The following WIPF1 variants were observed in gnomAD, a reference collection of about 807,000 sequenced individuals.
WIPF1 encodes the protein WAS/WASL interacting protein family member 1.
Under a neutral mutation model 35.4 loss-of-function variants are expected in WIPF1, and 13 were observed. The observed-to-expected ratio is 0.37, with a 90% confidence interval of 0.24 to 0.58. The LOEUF (loss-of-function observed/expected upper bound fraction) is 0.58. Ranked by LOEUF, WIPF1 falls within the 20% of genes least tolerant of loss-of-function variation. WIPF1 has a pLI of 0.74. For synonymous variants in WIPF1, 267 were observed against 266.3 expected (o/e 1.00, Z -0.02); for missense variants, 591 against 667.0 (o/e 0.89, Z 1.25).
At chr2:174,631,896 T>C (rs1687032376) in intron 1 of WIPF1, among the ~76,000 whole-genome samples, 1 of 152,192 alleles carries the variant, frequency 6.6e-6, no homozygotes, top group African/African-American at 2.4e-5. Flanking sequence ...TCTGTGGATG[T>C]CGACCCGCAG....
At chr2:174,593,956 G>T (rs1685714763) in intron 1 of WIPF1, among the ~76,000 whole-genome samples, 1 of 152,196 alleles carries the variant, frequency 6.6e-6, no homozygotes, top group South Asian at 2.1e-4. Context: ...GAAGCAAAAG[G>T]CAGAGAAGAG....
chr2:174,605,329 T>C (rs1436257219), intron 1 of WIPF1, among the ~76,000 whole-genome samples: 1 of 151,972 alleles, frequency 6.6e-6, no homozygotes, highest in African/African-American at 2.4e-5. Context: ...TCCCAGCTAC[T>C]CAGGAGGCTA....
At position 174,562,292 on chromosome 2, in the gene WIPF1, A is replaced by G; in HGVS notation, c.*255T>C. On this transcript the variant is annotated 3_prime_UTR_variant, in exon 8 of 8. Transcript: ENST00000679041. ...AGTCATCTCTGCCTATTACGACAAA[A>G]GCCTATCGACCCCAGCAGCCAGCAC... The G allele has an allele frequency of 6.6e-7, 1 of 1,515,742 alleles. No homozygotes were observed. Among genetic ancestry groups the G allele is most frequent in the Non-Finnish European group, 8.9e-7 (1 of 1,128,392 alleles). The allele number at this position is 1,515,742 out of a possible 1,614,324, so 93.9% of individuals were successfully genotyped here.
rs79441260 is a variant in WIPF1, at chr2:174,632,344, G to A, written c.-38-46733C>T. The stretch of plus-strand genomic sequence containing the variant: ...GTGAAAGTGGAAAGATGGGGAAGGG[G>A]CTGAGAAATAGGAGAGAATAAGGAC... On this transcript the variant is annotated intron_variant, in intron 1 of 8. Coordinates refer to the WIPF1 transcript ENST00000272746. Among the ~76,000 whole-genome samples the A allele has an allele frequency of 6.4e-3, 970 of 152,242 alleles. 6 individuals are homozygous for A. The highest frequency in any genetic ancestry group is 0.022 in the African/African-American group (910 of 41,534).
chr2:174,601,111 G>A (rs1238404885), upstream of WIPF1, among the ~76,000 whole-genome samples: 1 of 151,584 alleles, frequency 6.6e-6, no homozygotes. Flanking sequence ...ATTTTTAGTA[G>A]AGACGGGGTT....
intron 1 of WIPF1, among the ~76,000 whole-genome samples, chr2:174,668,768 C>A (rs1252156023): frequency 6.6e-6 from 1 of 152,226 alleles, no homozygotes; most frequent in African/African-American, 2.4e-5. Flanking sequence ...ATGCAACAAA[C>A]AGAGGGACAT....
chr2:174,673,869 A>G (rs912869259), intron 1 of WIPF1: 2 of 152,312 alleles, frequency 1.3e-5, no homozygotes, highest in Admixed American at 1.3e-4. Flanking sequence ...GCAGACATCA[A>G]GCATTCACAG....
Position 174,631,443 on chromosome 2 carries a change from T to C in WIPF1, c.-38-45832A>G, listed in dbSNP as rs142042784. Among the ~76,000 whole-genome samples the C allele has an allele frequency of 2.1e-3, 327 of 152,294 alleles. 5 individuals carry two copies. The highest frequency in any genetic ancestry group is 7.6e-3 in the African/African-American group (317 of 41,564). On this transcript the variant is annotated intron_variant, in intron 1 of 8. Coordinates refer to the WIPF1 transcript ENST00000272746. ...TTCATAAAGACAGAAAGTAGAATGG[T>C]GGCTGCCAAGAGCTGGGGGAAAGGG... is the stretch of plus-strand genomic sequence containing the variant.
chr2:174,585,566 A>G lies in WIPF1; in HGVS notation c.8T>C (p.Val3Ala), dbSNP rs1463352252. 2 of 1,612,046 alleles carry G rather than the reference A, an allele frequency of 1.2e-6. No homozygotes were observed. The highest frequency in any genetic ancestry group is 1.7e-6 in the Non-Finnish European group (2 of 1,179,280). Reference protein sequence around the residue: MPVPPPPAPPPPP... With the variant: MPAPPPPAPPPPP... ...CGGCGGGGGTGCTGGAGGGGGAGGG[A>G]CAGGCATCTTGGGCAGTTATGCGTT... is the stretch of plus-strand genomic sequence containing the variant. Residue 3 changes from valine (V) to alanine (A), a missense_variant, in exon 2 of 8, where the codon GTC becomes GCC. Val to Ala is a moderately conservative substitution (Grantham distance 64, BLOSUM62 0). This residue lies in a region of WIPF1 where 471 missense variants were observed against 501.1 expected (regional missense o/e 0.94). Transcript: ENST00000679041.
intron 1 of WIPF1, among the ~76,000 whole-genome samples, chr2:174,624,960 G>GA (rs1686784872): frequency 6.6e-6 from 1 of 152,182 alleles, no homozygotes; most frequent in East Asian, 1.9e-4. Context: ...GCACTATGGG[G>GA]ACAGAGCCCT....
intron 1 of WIPF1, among the ~76,000 whole-genome samples, chr2:174,668,161 T>G (rs897888392): frequency 6.6e-6 from 1 of 152,166 alleles, no homozygotes; most frequent in African/African-American, 2.4e-5. Context: ...GTTTTGCCTA[T>G]AATAAGAAAA....
intron 1 of WIPF1, among the ~76,000 whole-genome samples, chr2:174,608,626 G>A (rs1447141141): frequency 6.6e-6 from 1 of 152,128 alleles, no homozygotes; most frequent in African/African-American, 2.4e-5. Flanking sequence ...GATAGAAAGA[G>A]GCTTCTTGCA....
intron 1 of WIPF1, among the ~76,000 whole-genome samples, chr2:174,644,562 A>G (rs1687362897): frequency 6.6e-6 from 1 of 152,010 alleles, no homozygotes; most frequent in Non-Finnish European, 1.5e-5. Context: ...GCTTCTACAA[A>G]TTTTGGACTC....
At chr2:174,680,493 G>A (rs1379690817) in intron 1 of WIPF1, among the ~76,000 whole-genome samples, 4 of 152,176 alleles carry the variant, frequency 2.6e-5, no homozygotes, top group Non-Finnish European at 5.9e-5. Context: ...GAGGTAAAAT[G>A]ACAAATATCA....
chr2:174,620,161 C>T (rs1042692458), intron 1 of WIPF1, among the ~76,000 whole-genome samples: 21 of 152,164 alleles, frequency 1.4e-4, no homozygotes, highest in East Asian at 5.8e-4. Flanking sequence ...AGACCACTGA[C>T]GCCTTAAAAT....
At chr2:174,675,602 C>T (rs1370532836) in intron 1 of WIPF1, among the ~76,000 whole-genome samples, 2 of 152,124 alleles carry the variant, frequency 1.3e-5, no homozygotes, top group African/African-American at 4.8e-5. Flanking sequence ...GATCCTCCTG[C>T]CTCAGCTTCT....
intron 1 of WIPF1, among the ~76,000 whole-genome samples, chr2:174,621,488 A>G (rs1686673218): frequency 6.6e-6 from 1 of 151,708 alleles, no homozygotes; most frequent in African/African-American, 2.4e-5. Flanking sequence ...TCTCCTACCA[A>G]TCTCCCCCTC....
chr2:174,653,435 G>A (rs1661989871), intron 1 of WIPF1, among the ~76,000 whole-genome samples: 1 of 152,102 alleles, frequency 6.6e-6, no homozygotes, highest in African/African-American at 2.4e-5. Context: ...GTCTAAGACT[G>A]CGTAAGAAAC....
At chr2:174,588,424 C>G (rs886704856) in intron 1 of WIPF1, among the ~76,000 whole-genome samples, 15 of 152,176 alleles carry the variant, frequency 9.9e-5, no homozygotes, top group Admixed American at 6.5e-4. Context: ...GAGTTCGGCT[C>G]TCGTAACAGA....
Sources: allele counts gnomAD v4.1 joint callset (sites outside exome capture counted in the v4.1 genomes callset), GRCh38; gene constraint gnomAD v4.1.1; regional missense constraint gnomAD v4.1.1; transcripts MANE v1.5; gene names NCBI Gene and HGNC (gene_info 2026-07-23, HGNC 2026-07-21).